SHANK2: variants seen among roughly 807,000 people sequenced by gnomAD.
SHANK2 encodes the protein SH3 and multiple ankyrin repeat domains 2, also known as SH3 and multiple ankyrin repeat domains protein 2.
A neutral mutation model predicts 133.7 loss-of-function variants in SHANK2; 43 were observed. The observed-to-expected ratio is 0.32, with a 90% CI of 0.25 to 0.41. SHANK2 has a LOEUF of 0.41. Among genes scored for constraint, SHANK2 ranks in the 10% least tolerant of loss-of-function variants. The pLI, the probability that SHANK2 is intolerant of heterozygous loss-of-function variation, is 1.00. For synonymous variants in SHANK2, 1,017 were observed against 952.8 expected, an observed-to-expected ratio of 1.07 and a Z score of -1.24; for missense variants, 1,994 against 2,235.8, an observed-to-expected ratio of 0.89 and a Z score of 2.18.
intron 12 of SHANK2, among the ~76,000 whole-genome samples, chr11:70,816,835 T>C (rs1948408334): frequency 6.6e-6 from 1 of 152,122 alleles, no homozygotes; most frequent in Non-Finnish European, 1.5e-5. Context: ...CAGACAGCTC[T>C]AGCCAGGCCC....
chr11:70,887,149 C>A, intron 11 of SHANK2, among the ~76,000 whole-genome samples: 1 of 152,178 alleles, frequency 6.6e-6, no homozygotes, highest in Non-Finnish European at 1.5e-5. Flanking sequence ...GGCTCCCCGG[C>A]ACCCGGACAG....
At chr11:70,585,506 T>G (rs1400586310) in intron 17 of SHANK2, among the ~76,000 whole-genome samples, 8 of 152,196 alleles carry the variant, frequency 5.3e-5, no homozygotes, top group Non-Finnish European at 7.4e-5. Flanking sequence ...CCAGAATCAT[T>G]CCCTGTTCTT....
intron 14 of SHANK2, among the ~76,000 whole-genome samples, chr11:70,729,011 C>T (rs1946228458): frequency 1.3e-5 from 2 of 152,026 alleles, no homozygotes; most frequent in Admixed American, 1.3e-4. Context: ...TCGAGACCAG[C>T]CTGGCCAACA....
At position 71,168,810 on chromosome 11, in the gene SHANK2, G is replaced by GGGGAGAGGGAGAGGGAGACCATGGGGAGA. The variant is rs1590982573; in HGVS notation, c.-12-21473_-12-21472insTCTCCCCATGGTCTCCCTCTCCCTCTCCC. On this transcript the variant is annotated intron_variant, in intron 2 of 25. Coordinates refer to ENST00000601538, the MANE Select transcript of SHANK2 (RefSeq NM_012309.5). ...GTGGAGAGAGGGAGAGGGAGACCAT[G>GGGGAGAGGGAGAGGGAGACCATGGGGAGA]GGGAGAGGGAGAGGGAGAGGGCCCA... is the stretch of plus-strand genomic sequence containing the variant. 2.0e-5 allele frequency among the ~76,000 whole-genome samples: 3 copies of GGGGAGAGGGAGAGGGAGACCATGGGGAGA among 150,378 alleles called. No individual in the cohort carries two copies. In the East Asian group the frequency reaches 6.0e-4, roughly 30 times the overall value.
At chr11:71,204,066 T>C (rs1954078088) in intron 2 of SHANK2, among the ~76,000 whole-genome samples, 1 of 152,226 alleles carries the variant, frequency 6.6e-6, no homozygotes, top group Non-Finnish European at 1.5e-5. Flanking sequence ...CTAAGGACTC[T>C]GTGAGTCCTT....
At chr11:71,182,801 C>T (rs1660915280) in intron 2 of SHANK2, among the ~76,000 whole-genome samples, 1 of 152,172 alleles carries the variant, frequency 6.6e-6, no homozygotes, top group African/African-American at 2.4e-5. Context: ...CCCTCTGGTA[C>T]AAACGGCAGA....
At chr11:70,952,669 C>T (rs968761955) in intron 10 of SHANK2, 12 of 321,908 alleles carry the variant, frequency 3.7e-5, no homozygotes, top group Admixed American at 1.5e-4. Context: ...AAGCTGCTGA[C>T]GATTTTCATG....
At chr11:70,676,574 T>C (rs1169445777) in intron 15 of SHANK2, among the ~76,000 whole-genome samples, 2 of 152,270 alleles carry the variant, frequency 1.3e-5, no homozygotes, top group Non-Finnish European at 2.9e-5. Flanking sequence ...GGACTCGCCA[T>C]TGTGGTCTCA....
intron 17 of SHANK2, among the ~76,000 whole-genome samples, chr11:70,644,144 T>A (rs1241335757): frequency 1.3e-5 from 2 of 152,204 alleles, no homozygotes; most frequent in Admixed American, 1.3e-4. Flanking sequence ...ATTGCTTTTT[T>A]AAAAATTCCA....
chr11:71,152,712 T>C (rs1384181091), intron 2 of SHANK2, among the ~76,000 whole-genome samples: 2 of 152,090 alleles, frequency 1.3e-5, no homozygotes, highest in Admixed American at 1.3e-4. Context: ...CAGAAGCAGG[T>C]GAGCAGAGAG....
intron 10 of SHANK2, among the ~76,000 whole-genome samples, chr11:70,911,910 C>T (rs1346053835): frequency 1.3e-5 from 2 of 151,422 alleles, no homozygotes; most frequent in East Asian, 1.9e-4. Context: ...GGTAAAATCC[C>T]GTCTCTACTA....
chr11:70,752,440 C>T (rs890359567), intron 14 of SHANK2, among the ~76,000 whole-genome samples: 5 of 152,136 alleles, frequency 3.3e-5, no homozygotes, highest in Non-Finnish European at 4.4e-5. Context: ...TCAATTCGGC[C>T]GGGCGCGGTG....
intron 11 of SHANK2, among the ~76,000 whole-genome samples, chr11:70,827,260 CTT>C (rs34414800): frequency 1.5e-4 from 20 of 137,208 alleles, no homozygotes; most frequent in Admixed American, 1.3e-3. Flanking sequence ...CCCCCTCCTA[CTT>C]TTTTTTTTTT....
chr11:71,235,307 G>A (rs1954811981), intron 1 of SHANK2, among the ~76,000 whole-genome samples: 1 of 151,868 alleles, frequency 6.6e-6, no homozygotes, highest in South Asian at 2.1e-4. Context: ...AAAAACTCTT[G>A]CACAGGACGG....
intron 25 of SHANK2, among the ~76,000 whole-genome samples, chr11:70,475,502 A>G (rs1416641266): frequency 6.6e-6 from 1 of 152,028 alleles, no homozygotes; most frequent in African/African-American, 2.4e-5. Flanking sequence ...ATGGATGTAT[A>G]TTTGGGTGAA....
intron 2 of SHANK2, among the ~76,000 whole-genome samples, chr11:71,158,899 A>G (rs1952956556): frequency 2.6e-5 from 4 of 152,208 alleles, no homozygotes; most frequent in Non-Finnish European, 5.9e-5. Flanking sequence ...TGAGAAATAG[A>G]GCCCCATGCC....
chr11:70,658,114 A>C (rs576553711), intron 17 of SHANK2, among the ~76,000 whole-genome samples: 1 of 151,038 alleles, frequency 6.6e-6, no homozygotes, highest in East Asian at 2.0e-4. Flanking sequence ...GACCTATTTC[A>C]ACACCCCCCC....
At chr11:70,675,570 C>A (rs1409750936) in intron 15 of SHANK2, among the ~76,000 whole-genome samples, 3 of 152,174 alleles carry the variant, frequency 2.0e-5, no homozygotes, top group Non-Finnish European at 4.4e-5. Context: ...CCAACCCAGA[C>A]AATGACAGAG....
chr11:70,771,083 C>T (rs1416478826), intron 14 of SHANK2, among the ~76,000 whole-genome samples: 1 of 152,074 alleles, frequency 6.6e-6, no homozygotes, highest in Non-Finnish European at 1.5e-5. Flanking sequence ...TGCCATCACA[C>T]CTGGCTAATT....
Sources: allele counts gnomAD v4.1 joint callset (sites outside exome capture counted in the v4.1 genomes callset), GRCh38; gene constraint gnomAD v4.1.1; transcripts MANE v1.5; gene names NCBI Gene and HGNC (gene_info 2026-07-23, HGNC 2026-07-21).